The following USP9X variants were observed in gnomAD, a reference collection of about 807,000 sequenced individuals.
The protein encoded by USP9X is ubiquitin specific peptidase 9 X-linked.
In USP9X, 7 loss-of-function variants were observed where a neutral mutation model predicts 190.3. That is an observed-to-expected ratio of 0.04 (90% CI 0.02 to 0.07). The LOEUF (loss-of-function observed/expected upper bound fraction) is 0.07, where lower values mean the gene tolerates loss of function less well. USP9X is among the 10% of genes least tolerant of loss of function. USP9X has a pLI of 1.00. For missense variants in USP9X, 1,010 were observed against 1,916.9 expected (o/e 0.53, Z 8.83); for synonymous variants, 645 against 659.5 (o/e 0.98, Z 0.34).
In USP9X at chrX:41,233,741, C is replaced by G. The variant is rs1354397803; in HGVS notation, c.*1217C>G. On this transcript the variant is annotated 3_prime_UTR_variant, in exon 45 of 45. Coordinates refer to ENST00000378308, the MANE Select transcript of USP9X (RefSeq NM_001039591.3). Reference sequence around the variant, plus strand: ...AAGCAGGGTCTCATTAAAAAAGAAACTACTGGTTGATATAATTGAGATATT... The same window carrying G: ...AAGCAGGGTCTCATTAAAAAAGAAAGTACTGGTTGATATAATTGAGATATT... The G allele has an allele frequency of 8.9e-6, 1 of 111,902 alleles. No homozygotes were observed. The highest frequency in any genetic ancestry group is 2.8e-4 in the East Asian group (1 of 3,602). The allele number at this position is 111,902 out of a possible 1,213,427, so 9.2% of individuals were successfully genotyped here.
rs1316611878 is a variant in USP9X, at chrX:41,178,560, A to G, written c.3149-5438A>G. Among the ~76,000 whole-genome samples the G allele has an allele frequency of 6.3e-5, 7 of 111,816 alleles. No individual in the cohort carries two copies. In the Admixed American group the frequency reaches 6.7e-4, roughly 11 times the overall value. ...AAATATCTATTCAAGTCTTTTGCCC[A>G]TTTTAAAAATCGGATTTTTTGCTGT... On this transcript the variant is annotated intron_variant, in intron 21 of 44. Transcript: ENST00000378308.
chrX:41,159,009 C>T (rs1343502637), intron 14 of USP9X, among the ~76,000 whole-genome samples: 1 of 111,622 alleles, frequency 9.0e-6, no homozygotes, highest in Non-Finnish European at 1.9e-5. Flanking sequence ...TGGTTGCTTT[C>T]CCCCTAGGAA....
chrX:41,086,080 C>A lies in USP9X; in HGVS notation c.-188C>A. The A allele has an allele frequency of 3.4e-6, 1 of 297,746 alleles. No homozygotes were observed. Among genetic ancestry groups the A allele is most frequent in the South Asian group, 2.0e-4 (1 of 4,908 alleles). 24.5% of individuals were successfully genotyped at this position (297,746 alleles called of 1,213,427 possible). A position where few individuals can be genotyped will look rare whatever the true frequency, so the allele number is the denominator to read the frequency against. ...CTGGTGCCTCCCGCCTCCGTGTGCC[C>A]TGGTTGTGAGAAGACGTCTGTGTCG... On this transcript the variant is annotated 5_prime_UTR_variant, in exon 1 of 45. The change creates a new upstream start codon in the 5' untranslated region. Coordinates refer to ENST00000378308, the MANE Select transcript of USP9X (RefSeq NM_001039591.3).
chrX:41,137,712 G>A (rs1043953226), intron 6 of USP9X, among the ~76,000 whole-genome samples: 1 of 110,577 alleles, frequency 9.0e-6, no homozygotes, highest in Non-Finnish European at 1.9e-5. Context: ...ATAAGCTGAA[G>A]TTATCAAAAA....
intron 1 of USP9X, among the ~76,000 whole-genome samples, chrX:41,107,553 G>C (rs1027058415): frequency 8.9e-6 from 1 of 112,423 alleles, no homozygotes; most frequent in African/African-American, 3.2e-5. Flanking sequence ...CTTCCTGCGT[G>C]TGTAGATTAA....
At chrX:41,157,049 C>T (rs781432420) in intron 14 of USP9X, among the ~76,000 whole-genome samples, 1 of 111,794 alleles carries the variant, frequency 8.9e-6, no homozygotes, top group Admixed American at 9.5e-5. Flanking sequence ...GAACTGGACA[C>T]GGGACAAATT....
intron 38 of USP9X, 23 bp from the exon 39 acceptor site, chrX:41,223,194 C>G (rs1388493732): frequency 3.4e-6 from 4 of 1,190,581 alleles, no homozygotes; most frequent in Non-Finnish European, 4.5e-6. Context: ...CTTTCTTCTC[C>G]CCTTCACTCC....
chrX:41,166,525 A>AT (rs1333938423), intron 16 of USP9X, among the ~76,000 whole-genome samples: 1 of 111,732 alleles, frequency 8.9e-6, no homozygotes, highest in African/African-American at 3.3e-5. Context: ...CCGAGTTTTC[A>AT]TTCAGTGTCG....
Position 41,179,570 on chromosome X carries a change from A to T in USP9X, c.3149-4428A>T, listed in dbSNP as rs1048933502. On this transcript the variant is annotated intron_variant, in intron 21 of 44. Transcript: ENST00000378308. ...TTTGCTATTGGCAAATGGAAACACT[A>T]CTTAGTTTTGTATATTGATTTTTGT... 3.6e-5 allele frequency among the ~76,000 whole-genome samples: 4 copies of T among 111,671 alleles called. No individual in the cohort carries two copies. The Admixed American group carries it at 3.8e-4, about 11-fold the overall frequency.
rs112930317 is a variant in USP9X, at chrX:41,197,624, CTTT to C, written c.4380+118_4380+120del. On this transcript the variant is annotated intron_variant, in intron 29 of 44. Transcript: ENST00000378308. ...TCTTTGTACTTTCTTGATCTTTTCT[CTTT>C]TTTAAGAATCTTTATCAAATTTACA... 0.11 allele frequency: 73,137 copies of C among 677,566 alleles called. 3,602 individuals carry two copies. The highest frequency in any genetic ancestry group is 0.23 in the East Asian group (5,681 of 24,180). The allele number at this position is 677,566 out of a possible 1,213,427, so 55.8% of individuals were successfully genotyped here.
At chrX:41,111,446 C>T (rs1198552891) in intron 1 of USP9X, among the ~76,000 whole-genome samples, 1 of 111,873 alleles carries the variant, frequency 8.9e-6, no homozygotes, top group Non-Finnish European at 1.9e-5. Flanking sequence ...TGTTGTTTGC[C>T]AATGAATCCT....
chrX:41,133,193 G>A (rs1186477307), intron 4 of USP9X, among the ~76,000 whole-genome samples: 1 of 111,718 alleles, frequency 9.0e-6, no homozygotes, highest in Non-Finnish European at 1.9e-5. Flanking sequence ...TTTAAAGAAC[G>A]TGTCCTTATG....
chrX:41,097,459 T>A (rs2146926055), intron 1 of USP9X, among the ~76,000 whole-genome samples: 1 of 111,480 alleles, frequency 9.0e-6, no homozygotes, highest in African/African-American at 3.3e-5. Context: ...TCAGGATGCT[T>A]TTATACTCTT....
chrX:41,100,141 T>C (rs1409094080), intron 1 of USP9X, among the ~76,000 whole-genome samples: 1 of 112,140 alleles, frequency 8.9e-6, no homozygotes, highest in Non-Finnish European at 1.9e-5. Flanking sequence ...CATATTGTGC[T>C]GCTCTATTGT....
intron 33 of USP9X, 101 bp downstream of exon 33, chrX:41,210,783 C>A: frequency 1.3e-6 from 1 of 795,085 alleles, no homozygotes; most frequent in Non-Finnish European, 1.8e-6. Context: ...GAGTATATCA[C>A]TGATTACTAA....
chrX:41,116,776 T>G (rs923871877), intron 1 of USP9X, among the ~76,000 whole-genome samples: 7 of 101,823 alleles, frequency 6.9e-5, no homozygotes, highest in South Asian at 4.2e-4. Flanking sequence ...CTCATGGCTT[T>G]CTTTTTTTTG....
chrX:41,216,312 A>G lies in USP9X; in HGVS notation c.5745A>G (p.Glu1915=). 1.7e-6 allele frequency: 2 copies of G among 1,212,106 alleles called. No individual in the cohort carries two copies. Among genetic ancestry groups the G allele is most frequent in the Non-Finnish European group, 2.2e-6 (2 of 895,648 alleles). ...VTECKMDDDE[E]MKNQCFGGEY... ...AATGTAAAATGGATGATGACGAAGA[A>G]ATGAAAAACCAGTGTTTTGGTGGAG... is the stretch of plus-strand genomic sequence containing the variant. Residue 1915 remains glutamate, a synonymous_variant, in exon 35 of 45, where the codon GAA becomes GAG. Coordinates refer to ENST00000378308, the MANE Select transcript of USP9X (RefSeq NM_001039591.3).
intron 32 of USP9X, among the ~76,000 whole-genome samples, chrX:41,207,845 ACCACCCTCCCTCCCATCTCT>A (rs2063118509): frequency 9.1e-6 from 1 of 109,323 alleles, no homozygotes; most frequent in Non-Finnish European, 1.9e-5. Flanking sequence ...TCTTGCGTGG[ACCACCCTCCCTCCCATCTCT>A]CATTTTGCTT....
intron 17 of USP9X, 75 bp from the exon 18 acceptor site, chrX:41,167,932 C>T: frequency 2.2e-6 from 2 of 905,992 alleles, no homozygotes; most frequent in Non-Finnish European, 3.1e-6. Flanking sequence ...CCATTGCCAT[C>T]TTTAATTGGA....
Sources: allele counts gnomAD v4.1 joint callset (sites outside exome capture counted in the v4.1 genomes callset), GRCh38; gene constraint gnomAD v4.1.1; transcripts MANE v1.5; gene names NCBI Gene and HGNC (gene_info 2026-07-23, HGNC 2026-07-21).